ATP6V1H: variants seen among roughly 807,000 people sequenced by gnomAD.
The protein encoded by ATP6V1H is V-type proton ATPase subunit H.
A neutral mutation model predicts 71.7 loss-of-function variants in ATP6V1H; 39 were observed. That is an observed-to-expected ratio of 0.54 (90% CI 0.42 to 0.71). The LOEUF (loss-of-function observed/expected upper bound fraction) is 0.71, where lower values mean the gene tolerates loss of function less well. Ranked by LOEUF, ATP6V1H falls within the 30% of genes least tolerant of loss-of-function variation. ATP6V1H has a pLI of 0.00. For missense variants in ATP6V1H, 509 were observed against 594.9 expected, an observed-to-expected ratio of 0.86 and a Z score of 1.50; for synonymous variants, 192 against 199.3, an observed-to-expected ratio of 0.96 and a Z score of 0.31.
intron 13 of ATP6V1H, among the ~76,000 whole-genome samples, chr8:53,722,180 C>A (rs866216838): frequency 6.6e-6 from 1 of 152,194 alleles, no homozygotes; most frequent in Non-Finnish European, 1.5e-5. Flanking sequence ...CAAGAGTTGT[C>A]CTCTTCCCCT....
At chr8:53,741,914 C>G (rs931251759) in intron 13 of ATP6V1H, among the ~76,000 whole-genome samples, 1 of 152,188 alleles carries the variant, frequency 6.6e-6, no homozygotes, top group African/African-American at 2.4e-5. Context: ...TACCTCAGCC[C>G]CAGACTACCA....
intron 6 of ATP6V1H, among the ~76,000 whole-genome samples, 198 bp from the exon 7 acceptor site, chr8:53,811,415 A>G (rs1477542975): frequency 6.6e-6 from 1 of 152,230 alleles, no homozygotes. Context: ...ATTCTTCCAG[A>G]TAATATATTA....
At position 53,719,356 on chromosome 8, in the gene ATP6V1H, A is replaced by C. The variant is rs191580197; in HGVS notation, c.1392-3332T>G. ...CGGCTAATTTTTGTATTTTCAGTAG[A>C]GATGGGGTTCTGCCATGTTGGCCAG... On this transcript the variant is annotated intron_variant, in intron 13 of 13. Transcript: ENST00000359530. Among the ~76,000 whole-genome samples, 345 of 152,136 alleles carry C rather than the reference A, an allele frequency of 2.3e-3. 2 individuals carry two copies. Among genetic ancestry groups the C allele is most frequent in the African/African-American group, 8.1e-3 (334 of 41,478 alleles).
intron 3 of ATP6V1H, among the ~76,000 whole-genome samples, chr8:53,830,570 A>G (rs1351179571): frequency 3.3e-5 from 5 of 152,170 alleles, no homozygotes; most frequent in Admixed American, 2.6e-4. Flanking sequence ...AAAAAAAGAT[A>G]TAAGTTGCCC....
chr8:53,791,198 G>A (rs1809553598), intron 9 of ATP6V1H, among the ~76,000 whole-genome samples: 1 of 152,130 alleles, frequency 6.6e-6, no homozygotes, highest in South Asian at 2.1e-4. Context: ...AAATTTAAAA[G>A]AAGAATCAGC....
At chr8:53,777,023 A>G (rs1016066794) in intron 9 of ATP6V1H, among the ~76,000 whole-genome samples, 23 of 152,230 alleles carry the variant, frequency 1.5e-4, no homozygotes, top group African/African-American at 5.5e-4. Context: ...ATACAAAAAA[A>G]TACTGTTTCT....
chr8:53,804,204 T>C (rs1459849350), intron 7 of ATP6V1H, among the ~76,000 whole-genome samples: 1 of 152,226 alleles, frequency 6.6e-6, no homozygotes, highest in Non-Finnish European at 1.5e-5. Context: ...ATGATTAAAT[T>C]ATTGCCTTCA....
At chr8:53,803,224 C>A (rs546322883) in intron 7 of ATP6V1H, among the ~76,000 whole-genome samples, 1 of 152,172 alleles carries the variant, frequency 6.6e-6, no homozygotes, top group South Asian at 2.1e-4. Context: ...GCAATCCCAG[C>A]TACTCAGGAG....
chr8:53,819,996 C>T (rs1810595648), intron 4 of ATP6V1H, among the ~76,000 whole-genome samples: 1 of 151,826 alleles, frequency 6.6e-6, no homozygotes, highest in East Asian at 2.0e-4. Flanking sequence ...ACAGAGAATA[C>T]ACATTTGTAA....
Position 53,817,467 on chromosome 8 carries a change from G to A in ATP6V1H, c.370C>T (p.Pro124Ser). The change falls in exon 5 of 14, where the codon CCC becomes TCC. Residue 124 changes from proline (P) to serine (S), a missense_variant. This residue lies in a region of ATP6V1H where 297 missense variants were observed against 303.3 expected (regional missense o/e 0.98). Transcript: ENST00000359530. ...CGATTCAACATTGGCAGAAAGTAGG[G>A]CCACGCAGTGTTCTTGCTACATCTT... ...YARCSKNTAWPYFLPMLNRQD... is the reference protein window; with the variant it reads ...YARCSKNTAWSYFLPMLNRQD... 1 of 1,613,768 alleles carries A rather than the reference G, an allele frequency of 6.2e-7. No homozygotes were observed. The highest frequency in any genetic ancestry group is 8.5e-7 in the Non-Finnish European group (1 of 1,179,784).
intron 13 of ATP6V1H, among the ~76,000 whole-genome samples, chr8:53,716,875 G>A (rs538186101): frequency 6.6e-6 from 1 of 152,276 alleles, no homozygotes; most frequent in East Asian, 1.9e-4. Flanking sequence ...CAATTAGGAA[G>A]AAGAAAAAGA....
At position 53,743,591 on chromosome 8, in the gene ATP6V1H, G is replaced by A; in HGVS notation, c.1377C>T (p.Leu459=). Residue 459 remains leucine (L), a synonymous_variant, in exon 13 of 14, where the codon CTC becomes CTT. Coordinates refer to ENST00000359530, the MANE Select transcript of ATP6V1H (RefSeq NM_015941.4). ...RYNALLAVQK[L]MVHNWEYLGK... ...CCGTGGCATACCAGTTGTGCACCAT[G>A]AGCTTCTGCACGGCCAGCAGAGCAT... The A allele has an allele frequency of 6.2e-7, 1 of 1,613,706 alleles. No individual in the cohort carries two copies. Among genetic ancestry groups the A allele is most frequent in the Non-Finnish European group, 8.5e-7 (1 of 1,179,698 alleles).
At chr8:53,752,983 A>C (rs1463358767) in intron 12 of ATP6V1H, among the ~76,000 whole-genome samples, 1 of 152,152 alleles carries the variant, frequency 6.6e-6, no homozygotes, top group Non-Finnish European at 1.5e-5. Flanking sequence ...CTTTTAGAAA[A>C]CTTAGTTCAA....
rs145526259 is a variant in ATP6V1H at position 53,830,283 on chromosome 8, A to T, written c.217-750T>A. Among the ~76,000 whole-genome samples, 164 of 152,344 alleles carry T rather than the reference A, an allele frequency of 1.1e-3. 1 individual carries two copies. Among genetic ancestry groups the T allele is most frequent in the Non-Finnish European group, 1.8e-3 (125 of 68,026 alleles). On this transcript the variant is annotated intron_variant, in intron 3 of 13. Transcript: ENST00000359530. ...ATTGAAAAACTTCCCCACCTTAAGG[A>T]TGTATAAATTAAAGTGTATTTCACT...
chr8:53,841,601 T>C lies in ATP6V1H; in HGVS notation c.90A>G (p.Lys30=), dbSNP rs771924429. Residue 30 remains lysine (K), a synonymous_variant, in exon 2 of 14, where the codon AAA becomes AAG. Coordinates refer to ENST00000359530, the MANE Select transcript of ATP6V1H (RefSeq NM_015941.4). ...AAKAAEVRAN[K]VNWQSYLQGQ... ...ACTGAAGATAGGATTGCCAGTTGACTTTGTTTGCACGAACTTCTGCAGCCT... is the reference window on the plus strand; with the variant it reads ...ACTGAAGATAGGATTGCCAGTTGACCTTGTTTGCACGAACTTCTGCAGCCT... 1 of 1,614,174 alleles carries C rather than the reference T, an allele frequency of 6.2e-7. No homozygotes were observed. Among genetic ancestry groups the C allele is most frequent in the Non-Finnish European group, 8.5e-7 (1 of 1,179,994 alleles).
At chr8:53,819,142 G>C (rs944970639) in intron 4 of ATP6V1H, among the ~76,000 whole-genome samples, 2 of 152,070 alleles carry the variant, frequency 1.3e-5, no homozygotes, top group Non-Finnish European at 2.9e-5. Context: ...GGAGTTCGAG[G>C]CTGCAGTGAG....
In ATP6V1H at chr8:53,743,660, C is replaced by A; in HGVS notation, c.1308G>T (p.Leu436=). 1.1e-5 allele frequency: 17 copies of A among 1,612,980 alleles called. No individual in the cohort carries two copies. Among genetic ancestry groups the A allele is most frequent in the Non-Finnish European group, 1.4e-5 (16 of 1,179,424 alleles). The change falls in exon 13 of 14, where the codon CTG becomes CTT. Residue 436 remains leucine (L), a synonymous_variant. Transcript: ENST00000359530. ...RVIEQLGGKQ[L]VMNHMHHEDQ... is the part of the protein sequence containing the mutation. ...CTTCATGATGCATGTGGTTCATGAC[C>A]AGCTGCTTCCCACCGAGCTGCTCGA...
At chr8:53,769,535 A>G (rs1808582275) in intron 11 of ATP6V1H, 83 bp downstream of exon 11, 1 of 1,367,378 alleles carries the variant, frequency 7.3e-7, no homozygotes, top group African/African-American at 1.5e-5. Flanking sequence ...TAGAATATCT[A>G]AAATTTAGAG....
chr8:53,747,176 G>C (rs978198175), intron 12 of ATP6V1H, among the ~76,000 whole-genome samples: 8 of 152,006 alleles, frequency 5.3e-5, no homozygotes, highest in African/African-American at 2.4e-5. Flanking sequence ...AATTCTATTT[G>C]TTTAGTATTC....
Sources: allele counts gnomAD v4.1 joint callset (sites outside exome capture counted in the v4.1 genomes callset), GRCh38; gene constraint gnomAD v4.1.1; regional missense constraint gnomAD v4.1.1; transcripts MANE v1.5; gene names NCBI Gene and HGNC (gene_info 2026-07-23, HGNC 2026-07-21).